PTPRD: variants seen among roughly 807,000 people sequenced by gnomAD.
PTPRD encodes receptor-type tyrosine-protein phosphatase delta.
PTPRD carries 34 observed loss-of-function variants against 214.5 expected under a neutral mutation model. The ratio of observed to expected loss-of-function variants is 0.16; its 90% CI spans 0.12 to 0.21. The LOEUF is 0.21. Among genes scored for constraint, PTPRD ranks in the 10% least tolerant of loss-of-function variants. The pLI is 1.00. For synonymous variants in PTPRD, 1,128 were observed against 845.7 expected, an observed-to-expected ratio of 1.33 and a Z score of -5.79; for missense variants, 2,545 against 2,398.7, an observed-to-expected ratio of 1.06 and a Z score of -1.27.
At chr9:9,843,265 G>T (rs10978028) in intron 5 of PTPRD, among the ~76,000 whole-genome samples, 20,857 of 151,856 alleles carry the variant, frequency 0.14, 3,044 homozygotes, top group East Asian at 0.74. Context: ...TCATAATATC[G>T]CTTAGGGACT....
intron 9 of PTPRD, among the ~76,000 whole-genome samples, chr9:9,233,690 T>C (rs781457453): frequency 1.6e-4 from 24 of 152,008 alleles, no homozygotes; most frequent in East Asian, 1.9e-4. Flanking sequence ...ATGGGAGAAA[T>C]AGACCAAAAA....
At chr9:10,364,869 G>A (rs1459732615) in intron 2 of PTPRD, among the ~76,000 whole-genome samples, 2 of 152,022 alleles carry the variant, frequency 1.3e-5, no homozygotes, top group African/African-American at 2.4e-5. Flanking sequence ...ATTTCCAATT[G>A]TGCATTAGAC....
intron 7 of PTPRD, among the ~76,000 whole-genome samples, chr9:9,620,798 G>A (rs1593252940): frequency 6.6e-6 from 1 of 151,704 alleles, no homozygotes; most frequent in East Asian, 1.9e-4. Context: ...TTTATCGTCA[G>A]CTACATCAGC....
At chr9:9,937,846 A>G (rs1015075008) in intron 5 of PTPRD, among the ~76,000 whole-genome samples, 2 of 152,096 alleles carry the variant, frequency 1.3e-5, no homozygotes, top group Non-Finnish European at 2.9e-5. Context: ...CATTCCCTAA[A>G]CTGTTATTCT....
At chr9:10,045,771 G>A (rs762946200) in intron 3 of PTPRD, among the ~76,000 whole-genome samples, 11 of 151,516 alleles carry the variant, frequency 7.3e-5, no homozygotes, top group South Asian at 2.1e-4. Context: ...CAAAGCAAAC[G>A]TTTGCTACAA....
At chr9:9,853,591 CAG>C in intron 5 of PTPRD, among the ~76,000 whole-genome samples, 1 of 151,910 alleles carries the variant, frequency 6.6e-6, no homozygotes, top group East Asian at 1.9e-4. Context: ...ACTCTGTTGC[CAG>C]GCTGGAGTGC....
At chr9:9,500,079 A>T (rs2096356272) in intron 8 of PTPRD, among the ~76,000 whole-genome samples, 1 of 152,142 alleles carries the variant, frequency 6.6e-6, no homozygotes, top group South Asian at 2.1e-4. Context: ...GCTGTAAAAA[A>T]CTGCCAAAAA....
intron 2 of PTPRD, among the ~76,000 whole-genome samples, chr9:10,589,359 A>C (rs1294084225): frequency 1.3e-5 from 2 of 152,040 alleles, no homozygotes; most frequent in African/African-American, 4.8e-5. Context: ...GAAAGAAAGG[A>C]AATTATCAGT....
intron 5 of PTPRD, among the ~76,000 whole-genome samples, chr9:9,802,730 G>T (rs1386468549): frequency 6.6e-6 from 1 of 151,560 alleles, no homozygotes; most frequent in Non-Finnish European, 1.5e-5. Context: ...AATGCTTGTT[G>T]AATGAATACA....
intron 5 of PTPRD, among the ~76,000 whole-genome samples, chr9:9,937,922 AT>A (rs1306139488): frequency 2.0e-5 from 3 of 152,158 alleles, no homozygotes; most frequent in African/African-American, 7.2e-5. Context: ...CTGGCTATGG[AT>A]TTCTGAAGGT....
intron 8 of PTPRD, among the ~76,000 whole-genome samples, chr9:9,437,029 T>C (rs374724927): frequency 1.6e-4 from 25 of 152,334 alleles, no homozygotes; most frequent in African/African-American, 6.0e-4. Context: ...ATGCAGATCT[T>C]TTCCTTCATT....
intron 11 of PTPRD, among the ~76,000 whole-genome samples, chr9:8,824,457 G>C (rs923772414): frequency 6.6e-6 from 1 of 152,104 alleles, no homozygotes; most frequent in African/African-American, 2.4e-5. Context: ...AGTATGGTAA[G>C]GTTTATTTAT....
At chr9:9,835,361 T>G (rs1357845646) in intron 5 of PTPRD, among the ~76,000 whole-genome samples, 19 of 152,090 alleles carry the variant, frequency 1.2e-4, no homozygotes, top group Non-Finnish European at 2.8e-4. Flanking sequence ...ATTAATCAGT[T>G]ACCTGAAAGG....
chr9:9,373,172 C>T (rs1235363038), intron 9 of PTPRD, among the ~76,000 whole-genome samples: 1 of 152,034 alleles, frequency 6.6e-6, no homozygotes, highest in African/African-American at 2.4e-5. Context: ...AAGACATGGA[C>T]TGAAGACCTG....
At chr9:9,972,446 T>C (rs987293349) in intron 4 of PTPRD, among the ~76,000 whole-genome samples, 3 of 152,200 alleles carry the variant, frequency 2.0e-5, no homozygotes, top group Admixed American at 2.0e-4. Flanking sequence ...CCCACATTAC[T>C]CTTTTGGGTT....
intron 36 of PTPRD, among the ~76,000 whole-genome samples, chr9:8,390,044 T>C (rs920859505): frequency 1.3e-5 from 2 of 152,170 alleles, no homozygotes; most frequent in African/African-American, 4.8e-5. Context: ...TGTAAAGTAT[T>C]GCTTCTCATT....
intron 2 of PTPRD, among the ~76,000 whole-genome samples, chr9:10,576,843 A>G (rs2069551289): frequency 6.6e-6 from 1 of 152,182 alleles, no homozygotes; most frequent in Non-Finnish European, 1.5e-5. Flanking sequence ...AGTTAAATAC[A>G]TCATTGTTAA....
intron 3 of PTPRD, among the ~76,000 whole-genome samples, chr9:10,282,034 G>A (rs2095141519): frequency 6.6e-6 from 1 of 151,432 alleles, no homozygotes; most frequent in Admixed American, 6.6e-5. Flanking sequence ...AAAGCCTGTA[G>A]GAATCAGCTA....
At chr9:8,524,884 G>A (rs1156240891) in intron 18 of PTPRD, 41 bp downstream of exon 18, 1 of 1,552,022 alleles carries the variant, frequency 6.4e-7, no homozygotes, top group Non-Finnish European at 8.9e-7. Context: ...CTCCCCCTGA[G>A]CCTGAATGAA....
Sources: gnomAD v4.1 joint callset for allele counts (sites outside exome capture counted in the v4.1 genomes callset) on GRCh38, gnomAD v4.1.1 for gene constraint, MANE v1.5 for transcripts, NCBI Gene and HGNC (gene_info 2026-07-23, HGNC 2026-07-21) for gene names.